The following IRGC variants were observed in gnomAD, a reference collection of about 807,000 sequenced individuals.
IRGC encodes immunity related GTPase cinema.
In IRGC, 4 loss-of-function variants were observed where a neutral mutation model predicts 16.1. That is an observed-to-expected ratio of 0.25 (90% confidence interval 0.12 to 0.57). The LOEUF is 0.57. IRGC is among the 20% of genes least tolerant of loss of function. The pLI is 0.92. For missense variants in IRGC, 570 were observed against 643.9 expected, an observed-to-expected ratio of 0.89 and a Z score of 1.24; for synonymous variants, 307 against 299.5, an observed-to-expected ratio of 1.03 and a Z score of -0.26.
intron 1 of IRGC, among the ~76,000 whole-genome samples, chr19:43,716,672 G>A (rs571895526): frequency 6.6e-6 from 1 of 152,314 alleles, no homozygotes; most frequent in South Asian, 2.1e-4. Flanking sequence ...TTCTGTGGGG[G>A]GTGGAGTGGG....
rs1424939117 is a variant in IRGC, at chr19:43,719,964, G to GC, written c.*20dup. 2 of 1,611,028 alleles carry GC rather than the reference G, an allele frequency of 1.2e-6. No individual in the cohort carries two copies. The highest frequency in any genetic ancestry group is 1.7e-6 in the Non-Finnish European group (2 of 1,179,508). ...GAAGAGAAATAAAGAGTGCAGCCCC[G>GC]CCCCCCTGCCTCACCCACAAACTAA... On this transcript the variant is annotated 3_prime_UTR_variant, in exon 2 of 2. Coordinates refer to ENST00000244314, the MANE Select transcript of IRGC (RefSeq NM_019612.4).
At chr19:43,718,065 TCAAACAAACAAA>T (rs111429395) in intron 1 of IRGC, among the ~76,000 whole-genome samples, 10 of 152,124 alleles carry the variant, frequency 6.6e-5, no homozygotes, top group East Asian at 1.9e-4. Flanking sequence ...AGACCCTGTC[TCAAACAAACAAA>T]CAAACAAACA....
intron 1 of IRGC, among the ~76,000 whole-genome samples, chr19:43,717,834 C>T (rs1968193677): frequency 6.6e-6 from 1 of 152,222 alleles, no homozygotes. Flanking sequence ...CTCTGGGAAG[C>T]TGAGGCAGGA....
At chr19:43,716,574 G>C (rs140388093) in intron 1 of IRGC, among the ~76,000 whole-genome samples, 8,072 of 152,196 alleles carry the variant, frequency 0.053, 271 homozygotes, top group Non-Finnish European at 0.079. Context: ...CTGACCTCAA[G>C]TGATCCACCC....
Position 43,719,902 on chromosome 19 carries a change from TA to T in IRGC, c.1346del (p.Lys449SerfsTer31). The T allele has an allele frequency of 1.2e-6, 2 of 1,613,610 alleles. No homozygotes were observed. The highest frequency in any genetic ancestry group is 2.2e-5 in the South Asian group (2 of 91,084). On this transcript the variant is annotated frameshift_variant, in exon 2 of 2. Coordinates refer to ENST00000244314, the MANE Select transcript of IRGC (RefSeq NM_019612.4). LOFTEE classifies it high-confidence loss of function. Reference protein sequence around the residue: ...STCRKLGLLLKYILDSWKKHD... With the variant: ...STCRKLGLLLXYILDSWKKHD... ...CCTGCAGGAAGCTCGGCCTCCTTCT[TA>T]AGTACATTCTGGACAGCTGGAAGAA...
Position 43,719,400 on chromosome 19 carries a change from C to G in IRGC, c.842C>G (p.Pro281Arg), listed in dbSNP as rs367855155. 7.5e-6 allele frequency: 12 copies of G among 1,608,782 alleles called. No homozygotes were observed. In the Admixed American group the frequency reaches 1.3e-4, roughly 18 times the overall value. The change falls in exon 2 of 2, where the codon CCG becomes CGG. Residue 281 changes from proline (P) to arginine (R), a missense_variant. By Grantham distance (103) the Pro-to-Arg change is moderately radical (BLOSUM62 -2). Coordinates refer to ENST00000244314, the MANE Select transcript of IRGC (RefSeq NM_019612.4). ...GTGTTGGGCGTCATCCAGGCCCTGC[C>G]GGTCCCAGGGCTGGCGGCCGCCTAC... Reference protein sequence around the residue: ...ALVLGVIQALPVPGLAAAYDD... With the variant: ...ALVLGVIQALRVPGLAAAYDD...
rs1308613538 is a variant in IRGC at position 43,719,539 on chromosome 19, C to T, written c.981C>T (p.Arg327=). ...TGGGCAAACAGGCAGGTGACCTGCG[C>T]TCGGTCATCCGCTCCCCACTGGCCA... The part of the protein sequence containing the change: ...EQVGKQAGDL[R]SVIRSPLANE... The change falls in exon 2 of 2, where the codon CGC becomes CGT. Residue 327 remains arginine (R), a synonymous_variant. Transcript: ENST00000244314. The T allele has an allele frequency of 1.9e-6, 3 of 1,602,720 alleles. No individual in the cohort carries two copies. The African/African-American group carries it at 4.0e-5, about 21-fold the overall frequency.
At position 43,719,624 on chromosome 19, in the gene IRGC, C is replaced by A. The variant is rs778557453; in HGVS notation, c.1066C>A (p.Arg356=). 1.2e-6 allele frequency: 2 copies of A among 1,604,568 alleles called. No homozygotes were observed. Among genetic ancestry groups the A allele is most frequent in the Non-Finnish European group, 8.5e-7 (1 of 1,179,862 alleles). Residue 356 remains arginine, a synonymous_variant, in exon 2 of 2, where the codon CGG becomes AGG. Coordinates refer to ENST00000244314, the MANE Select transcript of IRGC (RefSeq NM_019612.4). ...LYSQSSDGAM[R]VARAFERGIP... Reference sequence around the variant, plus strand: ...TTCCCAGTCGTCCGACGGCGCCATGCGGGTGGCCCGCGCCTTTGAGAGGGG... The same window carrying A: ...TTCCCAGTCGTCCGACGGCGCCATGAGGGTGGCCCGCGCCTTTGAGAGGGG...
intron 1 of IRGC, among the ~76,000 whole-genome samples, chr19:43,718,064 C>CACAAACAAACAAACAA (rs1968197605): frequency 6.6e-6 from 1 of 151,642 alleles, no homozygotes; most frequent in African/African-American, 2.4e-5. Context: ...GAGACCCTGT[C>CACAAACAAACAAACAA]TCAAACAAAC....
rs558557281 is a variant in IRGC at position 43,719,090 on chromosome 19, C to T, written c.532C>T (p.Arg178Cys). The T allele has an allele frequency of 2.6e-5, 42 of 1,609,820 alleles. No homozygotes were observed. Among genetic ancestry groups the T allele is most frequent in the South Asian group, 2.0e-4 (18 of 90,830 alleles). The change falls in exon 2 of 2, where the codon CGC becomes TGC. Residue 178 changes from arginine (R) to cysteine (C), a missense_variant. By Grantham distance (180) the Arg-to-Cys change is radical (BLOSUM62 -3). Transcript: ENST00000244314. The stretch of plus-strand genomic sequence containing the variant: ...GGTGGACGAGGACCTGGCGGCCACG[C>T]GCACCCAGCGGCCGTCGGGCTTCAG... ...TKVDEDLAAT[R>C]TQRPSGFREA...
At chr19:43,717,242 C>CA (rs1312144250) in intron 1 of IRGC, among the ~76,000 whole-genome samples, 6 of 152,192 alleles carry the variant, frequency 3.9e-5, no homozygotes, top group Non-Finnish European at 7.4e-5. Context: ...GTGGGCATCA[C>CA]AGCAGCCCTG....
chr19:43,717,277 C>G (rs935874625), intron 1 of IRGC, among the ~76,000 whole-genome samples: 1 of 152,152 alleles, frequency 6.6e-6, no homozygotes, highest in Non-Finnish European at 1.5e-5. Context: ...GTATCCCCCA[C>G]GGGGCAGCTG....
At position 43,718,487 on chromosome 19, in the gene IRGC, C is replaced by T; in HGVS notation, c.-66-6C>T. ...GAGGTGTGAATGGCTCCCTTCTCCT[C>T]TGCAGGCGCTGAGGATCACGCATCC... is the stretch of plus-strand genomic sequence containing the variant. On this transcript the variant is annotated splice_region_variant and splice_polypyrimidine_tract_variant and intron_variant, in intron 1 of 1. Coordinates refer to ENST00000244314, the MANE Select transcript of IRGC (RefSeq NM_019612.4). 2 of 1,507,600 alleles carry T rather than the reference C, an allele frequency of 1.3e-6. No homozygotes were observed. Among genetic ancestry groups the T allele is most frequent in the South Asian group, 1.3e-5 (1 of 74,778 alleles). The allele number at this position is 1,507,600 out of a possible 1,614,324, so 93.4% of individuals were successfully genotyped here. A position where few individuals can be genotyped will look rare whatever the true frequency, so the allele number is the denominator to read the frequency against.
In IRGC at chr19:43,719,705, A is replaced by G; in HGVS notation, c.1147A>G (p.Thr383Ala). 1.2e-6 allele frequency: 2 copies of G among 1,612,532 alleles called. No individual in the cohort carries two copies. Among genetic ancestry groups the G allele is most frequent in the Non-Finnish European group, 1.7e-6 (2 of 1,179,758 alleles). ...CGGCATCAGCTTTGGCGCTGTCTAC[A>G]CCATGCTCCAGGGCTGCCTCAACGA... ...AGGISFGAVY[T>A]MLQGCLNEMA... Residue 383 changes from threonine (T) to alanine (A), a missense_variant, in exon 2 of 2, where the codon ACC becomes GCC. Physicochemically the swap from Thr to Ala is moderately conservative, Grantham distance 58. Coordinates refer to ENST00000244314, the MANE Select transcript of IRGC (RefSeq NM_019612.4).
rs142068323 is a variant in IRGC at position 43,719,891 on chromosome 19, G to A, written c.1333G>A (p.Gly445Ser). The A allele has an allele frequency of 1.8e-3, 2,911 of 1,613,852 alleles. 3 individuals are homozygous for A. Among genetic ancestry groups the A allele is most frequent in the Admixed American group, 3.0e-3 (182 of 60,004 alleles). ...EAPLSTCRKLGLLLKYILDSW... is the reference protein window; with the variant it reads ...EAPLSTCRKLSLLLKYILDSW... ...CCCACTCTCAACCTGCAGGAAGCTC[G>A]GCCTCCTTCTTAAGTACATTCTGGA... The change falls in exon 2 of 2, where the codon GGC becomes AGC. Residue 445 changes from glycine (G) to serine (S), a missense_variant. Transcript: ENST00000244314.
rs571682513 is a variant in IRGC, at chr19:43,718,810, G to A, written c.252G>A (p.Ala84=). Residue 84 remains alanine (A), a synonymous_variant, in exon 2 of 2, where the codon GCG becomes GCA. Transcript: ENST00000244314. ...LRGLEAEDPG[A]ALTGVMETTM... ...GCCTGGAGGCCGAGGACCCTGGCGC[G>A]GCTCTCACGGGCGTCATGGAGACCA... is the stretch of plus-strand genomic sequence containing the variant. 22 of 1,612,858 alleles carry A rather than the reference G, an allele frequency of 1.4e-5. No homozygotes were observed. Among genetic ancestry groups the A allele is most frequent in the Middle Eastern group, 1.6e-4 (1 of 6,062 alleles).
rs776796573 is a variant in IRGC at position 43,718,714 on chromosome 19, C to T, written c.156C>T (p.Ser52=). 1.2e-6 allele frequency: 2 copies of T among 1,613,476 alleles called. No individual in the cohort carries two copies. Residue 52 remains serine, a synonymous_variant, in exon 2 of 2, where the codon AGC becomes AGT. Coordinates refer to ENST00000244314, the MANE Select transcript of IRGC (RefSeq NM_019612.4). ...HLQELLASTE[S]IRLEVGVTGE... ...AGGAGCTGCTGGCCTCCACGGAAAG[C>T]ATCCGCCTGGAGGTGGGCGTCACGG...
In IRGC at chr19:43,719,217, C is replaced by G; in HGVS notation, c.659C>G (p.Pro220Arg). ...ATCTTCCTGGTGTCCAACCTCTCGC[C>G]GGCCCGCTACGACTTTCCCACGCTG... ...PRIFLVSNLS[P>R]ARYDFPTLVS... is the part of the protein sequence containing the mutation. The change falls in exon 2 of 2, where the codon CCG (proline) becomes CGG (arginine). Residue 220 changes from proline (P) to arginine (R), a missense_variant. Pro to Arg is a moderately radical substitution (Grantham distance 103). Transcript: ENST00000244314. 1 of 1,608,682 alleles carries G rather than the reference C, an allele frequency of 6.2e-7. No homozygotes were observed. Among genetic ancestry groups the G allele is most frequent in the Non-Finnish European group, 8.5e-7 (1 of 1,179,556 alleles).
chr19:43,719,042 A>T lies in IRGC; in HGVS notation c.484A>T (p.Lys162Ter). The T allele has an allele frequency of 6.2e-7, 1 of 1,612,802 alleles. No homozygotes were observed. Among genetic ancestry groups the T allele is most frequent in the Non-Finnish European group, 8.5e-7 (1 of 1,179,876 alleles). ...CGCTGAGATCCTGTGCCAGGGCAAG[A>T]AGTTCTACTTTGTGCGCACCAAGGT... ...LAAEILCQGK[K>*]FYFVRTKVDE... Residue 162 changes from lysine to a stop codon, truncating the protein, a stop_gained, in exon 2 of 2, where the codon AAG (lysine) becomes TAG (stop). Coordinates refer to ENST00000244314, the MANE Select transcript of IRGC (RefSeq NM_019612.4). LOFTEE classifies it high-confidence loss of function.
Sources: allele counts gnomAD v4.1 joint callset (sites outside exome capture counted in the v4.1 genomes callset), GRCh38; gene constraint gnomAD v4.1.1; transcripts MANE v1.5; gene names NCBI Gene and HGNC (gene_info 2026-07-23, HGNC 2026-07-21).